WWOX: variants seen among roughly 807,000 people sequenced by gnomAD.
WWOX encodes WW domain containing oxidoreductase.
WWOX carries 69 observed loss-of-function variants against 46.2 expected under a neutral mutation model. That is an observed-to-expected ratio of 1.49 (90% CI 1.23 to 1.82). The LOEUF is 1.82. Ranked by LOEUF, WWOX falls within the 40% of genes most tolerant of loss-of-function variation. The pLI is 0.00. For synonymous variants in WWOX, 359 were observed against 202.6 expected (o/e 1.77, Z -6.56); for missense variants, 919 against 542.6 (o/e 1.69, Z -6.89).
At chr16:79,028,786 G>C (rs1189334854) in intron 8 of WWOX, among the ~76,000 whole-genome samples, 1 of 151,612 alleles carries the variant, frequency 6.6e-6, no homozygotes, top group East Asian at 1.9e-4. Context: ...AATTACATTT[G>C]GTTTGCTTAC....
chr16:79,088,818 C>T (rs931899491), intron 8 of WWOX, among the ~76,000 whole-genome samples: 3 of 152,172 alleles, frequency 2.0e-5, no homozygotes, highest in Non-Finnish European at 4.4e-5. Flanking sequence ...GTCCACCCAA[C>T]GGCAAAGTCC....
intron 6 of WWOX, among the ~76,000 whole-genome samples, chr16:78,393,280 C>T (rs1012758506): frequency 6.6e-6 from 1 of 152,148 alleles, no homozygotes; most frequent in East Asian, 1.9e-4. Context: ...GCTTAGTCTA[C>T]TGAAAAGTGC....
At chr16:78,909,411 A>C (rs1242597102) in intron 8 of WWOX, among the ~76,000 whole-genome samples, 2 of 152,164 alleles carry the variant, frequency 1.3e-5, no homozygotes, top group Admixed American at 1.3e-4. Flanking sequence ...ATGGACCATA[A>C]ACCCCACAGA....
At chr16:78,844,377 A>G (rs1476312356) in intron 8 of WWOX, among the ~76,000 whole-genome samples, 1 of 152,192 alleles carries the variant, frequency 6.6e-6, no homozygotes, top group Non-Finnish European at 1.5e-5. Context: ...GGGATGGGAA[A>G]TAAATTCTTA....
At chr16:78,279,439 ATAAT>A (rs1365145071) in intron 5 of WWOX, among the ~76,000 whole-genome samples, 1 of 152,242 alleles carries the variant, frequency 6.6e-6, no homozygotes, top group Non-Finnish European at 1.5e-5. Context: ...ATTATAAAAA[ATAAT>A]TAATAAGCAA....
At chr16:78,951,414 C>A (rs187812701) in intron 8 of WWOX, among the ~76,000 whole-genome samples, 1 of 152,236 alleles carries the variant, frequency 6.6e-6, no homozygotes, top group Non-Finnish European at 1.5e-5. Flanking sequence ...AGCCAATCAC[C>A]GTCTTTCTGT....
chr16:78,197,464 T>A (rs1434941184), intron 5 of WWOX, among the ~76,000 whole-genome samples: 1 of 152,228 alleles, frequency 6.6e-6, no homozygotes, highest in African/African-American at 2.4e-5. Context: ...TGACTGTCCA[T>A]CAAAATGTCT....
In WWOX at chr16:79,166,760, T is replaced by C. The variant is rs2050602578; in HGVS notation, c.1057-44848T>C. Among the ~76,000 whole-genome samples the C allele has an allele frequency of 3.3e-5, 5 of 152,344 alleles. No individual in the cohort carries two copies. In the South Asian group the frequency reaches 1.0e-3, roughly 32 times the overall value. On this transcript the variant is annotated intron_variant, in intron 8 of 8. Transcript: ENST00000566780. ...CAGATTATTCATTACAATGAAGCTC[T>C]TTAACACTGTGTTTGCATTCTTTAG...
rs114283477 is a variant in WWOX at position 79,039,429 on chromosome 16, A to G, written c.1057-172179A>G. ...TCACAGAACAGCCAAGCCCTGGAAC[A>G]GGAGGAGCAGCTTCCTCCTGGGCAC... On this transcript the variant is annotated intron_variant, in intron 8 of 8. Transcript: ENST00000566780. Among the ~76,000 whole-genome samples the G allele has an allele frequency of 9.5e-3, 1,454 of 152,268 alleles. 17 individuals carry two copies. Among genetic ancestry groups the G allele is most frequent in the African/African-American group, 0.033 (1,358 of 41,556 alleles).
chr16:78,582,014 C>T (rs1037095734), intron 8 of WWOX, among the ~76,000 whole-genome samples: 3 of 152,104 alleles, frequency 2.0e-5, no homozygotes, highest in East Asian at 1.9e-4. Context: ...TTAAATATTT[C>T]GTTTGTAGAC....
intron 4 of WWOX, among the ~76,000 whole-genome samples, chr16:78,132,072 T>A (rs1232199382): frequency 6.7e-6 from 1 of 150,246 alleles, no homozygotes; most frequent in Non-Finnish European, 1.5e-5. Flanking sequence ...TCGCCCAGGC[T>A]GGAGTGCAGT....
At chr16:78,606,276 AAAAGTTTAGCACATTTAAAATTTTAC>A (rs1597338358) in intron 8 of WWOX, among the ~76,000 whole-genome samples, 1 of 152,204 alleles carries the variant, frequency 6.6e-6, no homozygotes, top group East Asian at 1.9e-4. Flanking sequence ...CAATCACTTA[AAAAGTTTAGCACATTTAAAATTTTAC>A]ATCATTTTAA....
chr16:78,554,784 A>G (rs937559685), intron 8 of WWOX, among the ~76,000 whole-genome samples: 1 of 152,092 alleles, frequency 6.6e-6, no homozygotes, highest in Non-Finnish European at 1.5e-5. Flanking sequence ...CGTGGGCTGC[A>G]CCTATCTGTC....
chr16:79,011,520 C>G (rs1670491609), intron 8 of WWOX, among the ~76,000 whole-genome samples: 1 of 148,064 alleles, frequency 6.8e-6, no homozygotes, highest in Non-Finnish European at 1.5e-5. Flanking sequence ...GAGACAGGGT[C>G]TTAATCTGTC....
At chr16:78,947,769 C>A (rs1195839881) in intron 8 of WWOX, among the ~76,000 whole-genome samples, 1 of 152,156 alleles carries the variant, frequency 6.6e-6, no homozygotes, top group Non-Finnish European at 1.5e-5. Context: ...TCACCTCTTG[C>A]CTCCAGGGGC....
chr16:78,978,177 C>G (rs910955921), intron 8 of WWOX, among the ~76,000 whole-genome samples: 7 of 152,188 alleles, frequency 4.6e-5, no homozygotes, highest in African/African-American at 1.7e-4. Flanking sequence ...GTACTTCATT[C>G]CCTTTTATCA....
intron 8 of WWOX, among the ~76,000 whole-genome samples, chr16:78,861,288 C>T (rs190419716): frequency 1.5e-3 from 225 of 152,342 alleles, no homozygotes; most frequent in Middle Eastern, 3.4e-3. Flanking sequence ...AGTCTTCTCC[C>T]AGTCCATGCA....
At chr16:78,750,300 C>T (rs1425357188) in intron 8 of WWOX, among the ~76,000 whole-genome samples, 7 of 152,064 alleles carry the variant, frequency 4.6e-5, no homozygotes, top group Admixed American at 3.3e-4. Context: ...ATGAGAGGCA[C>T]AAAATTTCAT....
intron 8 of WWOX, among the ~76,000 whole-genome samples, chr16:79,051,911 G>A (rs925740368): frequency 5.9e-5 from 9 of 152,208 alleles, no homozygotes; most frequent in African/African-American, 9.6e-5. Flanking sequence ...GTCCAAGCAA[G>A]CATTAGGTCA....
Sources: gnomAD v4.1 joint callset for allele counts (sites outside exome capture counted in the v4.1 genomes callset) on GRCh38, gnomAD v4.1.1 for gene constraint, MANE v1.5 for transcripts, NCBI Gene and HGNC (gene_info 2026-07-23, HGNC 2026-07-21) for gene names.